The following SLC4A5 variants were observed in gnomAD, a reference collection of about 807,000 sequenced individuals.
The protein encoded by SLC4A5 is electrogenic sodium bicarbonate cotransporter 4.
A neutral mutation model predicts 120.4 loss-of-function variants in SLC4A5; 96 were observed. That is an observed-to-expected ratio of 0.80 (90% confidence interval 0.68 to 0.94). SLC4A5 has a LOEUF of 0.94. SLC4A5 is among the 40% of genes least tolerant of loss of function. The pLI, the probability that SLC4A5 is intolerant of heterozygous loss-of-function variation, is 0.00. For missense variants in SLC4A5, 1,259 were observed against 1,459.5 expected (o/e 0.86, Z 2.24); for synonymous variants, 550 against 571.1 (o/e 0.96, Z 0.53).
chr2:74,287,436 G>A (rs1231390378), intron 7 of SLC4A5, among the ~76,000 whole-genome samples: 1 of 152,148 alleles, frequency 6.6e-6, no homozygotes, highest in Admixed American at 6.5e-5. Context: ...ACTCAGTTGA[G>A]TGAGCAGGAC....
intron 8 of SLC4A5, among the ~76,000 whole-genome samples, chr2:74,276,693 A>G (rs1314749109): frequency 6.6e-6 from 1 of 152,210 alleles, no homozygotes; most frequent in Non-Finnish European, 1.5e-5. Context: ...TATGAAAGAC[A>G]TATTTGGGGT....
At chr2:74,312,619 T>G (rs541621013) in intron 6 of SLC4A5, among the ~76,000 whole-genome samples, 2 of 152,308 alleles carry the variant, frequency 1.3e-5, no homozygotes, top group Non-Finnish European at 1.5e-5. Flanking sequence ...TTAATTGATA[T>G]GTTTAGACCA....
At chr2:74,277,562 T>TA (rs1180465163) in intron 8 of SLC4A5, among the ~76,000 whole-genome samples, 182 of 145,248 alleles carry the variant, frequency 1.3e-3, no homozygotes, top group African/African-American at 3.8e-3. Flanking sequence ...GACTGAAAAA[T>TA]AAAAAAAAAA....
chr2:74,218,697 A>T (rs1252794247), exon 31 of SLC4A5: 1 of 152,662 alleles, frequency 6.6e-6, no homozygotes, highest in Non-Finnish European at 1.5e-5. Context: ...GTCTGACTCC[A>T]TCTCTATCTT....
intron 21 of SLC4A5, among the ~76,000 whole-genome samples, chr2:74,237,611 T>C (rs1372188341): frequency 6.6e-6 from 1 of 152,212 alleles, no homozygotes; most frequent in Non-Finnish European, 1.5e-5. Context: ...TTTATCATTA[T>C]GATTAGTAGC....
At chr2:74,278,620 G>A (rs1212324929) in intron 8 of SLC4A5, among the ~76,000 whole-genome samples, 1 of 152,090 alleles carries the variant, frequency 6.6e-6, no homozygotes, top group African/African-American at 2.4e-5. Flanking sequence ...CTTGATCCAG[G>A]TTCTGATTCA....
intron 4 of SLC4A5, among the ~76,000 whole-genome samples, chr2:74,331,727 C>T (rs1673371395): frequency 6.6e-6 from 1 of 152,038 alleles, no homozygotes; most frequent in Non-Finnish European, 1.5e-5. Context: ...TTTTGCCTCA[C>T]CTTATAAAGT....
At chr2:74,257,542 G>A (rs984416396) in intron 12 of SLC4A5, among the ~76,000 whole-genome samples, 2 of 152,052 alleles carry the variant, frequency 1.3e-5, no homozygotes, top group Non-Finnish European at 2.9e-5. Flanking sequence ...AAGCAGCAAT[G>A]CTTCAGGGTG....
chr2:74,329,360 C>T (rs934353936), intron 4 of SLC4A5, among the ~76,000 whole-genome samples: 7 of 151,978 alleles, frequency 4.6e-5, no homozygotes, highest in African/African-American at 1.5e-4. Context: ...GAGGCTGAGG[C>T]GGGCAGATCA....
intron 6 of SLC4A5, among the ~76,000 whole-genome samples, chr2:74,309,610 G>C (rs1308273517): frequency 6.6e-6 from 1 of 152,002 alleles, no homozygotes; most frequent in Non-Finnish European, 1.5e-5. Flanking sequence ...GATCAAGTTG[G>C]GGAGAACTGA....
chr2:74,299,596 G>A lies in SLC4A5; in HGVS notation c.271+4893C>T, dbSNP rs535860965. Among the ~76,000 whole-genome samples, 662 of 152,250 alleles carry A rather than the reference G, an allele frequency of 4.3e-3. 4 individuals are homozygous for A. The highest frequency in any genetic ancestry group is 0.01 in the Middle Eastern group (3 of 294). On this transcript the variant is annotated intron_variant, in intron 7 of 30. Transcript: ENST00000394019. ...AATGGACTAATACAACAAAGAAATA[G>A]CCAATAGGTATATGAAAAAGTGCTC...
chr2:74,249,346 T>C (rs545289486), intron 17 of SLC4A5, among the ~76,000 whole-genome samples: 18 of 151,854 alleles, frequency 1.2e-4, no homozygotes, highest in Non-Finnish European at 1.9e-4. Context: ...GCCAGGGGAA[T>C]AGGGTTAAGT....
chr2:74,323,067 C>T (rs772190243), intron 5 of SLC4A5, among the ~76,000 whole-genome samples: 6 of 152,038 alleles, frequency 3.9e-5, no homozygotes, highest in Non-Finnish European at 7.4e-5. Context: ...GGTGAATCCC[C>T]GTCTCTTATT....
chr2:74,290,609 AGAGACAGAGAAGT>A (rs1436611283), intron 7 of SLC4A5: 1 of 976,040 alleles, frequency 1.0e-6, no homozygotes, highest in African/African-American at 1.9e-5. Context: ...AGACAGAGAG[AGAGACAGAGAAGT>A]GAGAGAGAGA....
intron 8 of SLC4A5, among the ~76,000 whole-genome samples, chr2:74,274,030 T>C (rs1413722361): frequency 6.6e-6 from 1 of 152,262 alleles, no homozygotes; most frequent in Non-Finnish European, 1.5e-5. Flanking sequence ...CCAGGCGTGG[T>C]TGTGCATGCC....
At chr2:74,323,483 G>C (rs1317842342) in intron 5 of SLC4A5, among the ~76,000 whole-genome samples, 1 of 152,086 alleles carries the variant, frequency 6.6e-6, no homozygotes, top group East Asian at 1.9e-4. Flanking sequence ...GATAAAATCA[G>C]AATAATGAAG....
At chr2:74,221,046 T>C (rs1408262894) in intron 30 of SLC4A5, among the ~76,000 whole-genome samples, 2 of 151,922 alleles carry the variant, frequency 1.3e-5, no homozygotes, top group Non-Finnish European at 2.9e-5. Context: ...GGTTTCACCA[T>C]GTTAGCCAGG....
chr2:74,307,716 C>T, intron 6 of SLC4A5: 1 of 798,352 alleles, frequency 1.3e-6, no homozygotes, highest in African/African-American at 1.7e-5. Flanking sequence ...CTCCAGGCTC[C>T]TCACTGTCCA....
chr2:74,342,288 G>C (rs1010560073), intron 2 of SLC4A5, among the ~76,000 whole-genome samples, 170 bp downstream of exon 2: 1 of 152,222 alleles, frequency 6.6e-6, no homozygotes, highest in Admixed American at 6.5e-5. Flanking sequence ...AGATGTATGA[G>C]TGTCTCCATT....
Sources: allele counts gnomAD v4.1 joint callset (sites outside exome capture counted in the v4.1 genomes callset), GRCh38; gene constraint gnomAD v4.1.1; transcripts MANE v1.5; gene names NCBI Gene and HGNC (gene_info 2026-07-23, HGNC 2026-07-21).